TNS1: variants seen among roughly 807,000 people sequenced by gnomAD.
TNS1 encodes tensin-1.
TNS1 carries 62 observed loss-of-function variants against 168.6 expected under a neutral mutation model. That is an observed-to-expected ratio of 0.37 (90% CI 0.30 to 0.45). The LOEUF is 0.45. Ranked by LOEUF, TNS1 falls within the 20% of genes least tolerant of loss-of-function variation. TNS1 has a pLI of 1.00. For missense variants in TNS1, 2,240 were observed against 2,339.4 expected (o/e 0.96, Z 0.88); for synonymous variants, 934 against 933.2 (o/e 1.00, Z -0.02).
chr2:217,874,110 C>T (rs1387932176), intron 18 of TNS1, among the ~76,000 whole-genome samples: 3 of 146,618 alleles, frequency 2.0e-5, no homozygotes, highest in Admixed American at 7.0e-5. Context: ...CAGCACTGGG[C>T]GTATTTATTT....
intron 22 of TNS1, among the ~76,000 whole-genome samples, chr2:217,824,408 A>G (rs1408489071): frequency 6.6e-6 from 1 of 152,236 alleles, no homozygotes; most frequent in Non-Finnish European, 1.5e-5. Flanking sequence ...TCAGCCCATC[A>G]GGCAGAGAAA....
At chr2:217,849,827 G>T in intron 18 of TNS1, 1 of 985,446 alleles carries the variant, frequency 1.0e-6, no homozygotes, top group Non-Finnish European at 1.2e-6. Context: ...GAGAACCCAG[G>T]AGGGCAGTAG....
At chr2:217,821,998 C>A (rs1472799447) in intron 22 of TNS1, 60 bp from the exon 23 acceptor site, 1 of 1,453,996 alleles carries the variant, frequency 6.9e-7, no homozygotes, top group Admixed American at 2.5e-5. Flanking sequence ...CAGTGCAGGT[C>A]CCCCCCAACC....
intron 6 of TNS1, among the ~76,000 whole-genome samples, chr2:217,900,914 G>T (rs1952893588): frequency 6.6e-6 from 1 of 152,216 alleles, no homozygotes; most frequent in African/African-American, 2.4e-5. Context: ...AGCGATGAGA[G>T]TAATGGCGCC....
rs1399223678 is a variant in TNS1 at position 217,850,003 on chromosome 2, C to A, written c.1430-916G>T. On this transcript the variant is annotated intron_variant, in intron 18 of 32. Transcript: ENST00000682258. ...GATACAATGTCATTCATGCTGCCCA[C>A]TGCCACATTTCCAGAGGCTCCTCCC... is the stretch of plus-strand genomic sequence containing the variant. 3 of 985,324 alleles carry A rather than the reference C, an allele frequency of 3.0e-6. No homozygotes were observed. In the African/African-American group the frequency reaches 5.2e-5, roughly 17 times the overall value. 61.0% of individuals were successfully genotyped at this position (985,324 alleles called of 1,614,324 possible). A position where few individuals can be genotyped will look rare whatever the true frequency, so the allele number is the denominator to read the frequency against.
intron 3 of TNS1, among the ~76,000 whole-genome samples, chr2:217,954,754 C>T (rs1214525909): frequency 3.3e-5 from 5 of 152,220 alleles, no homozygotes; most frequent in Non-Finnish European, 2.9e-5. Flanking sequence ...TCTCCTTCCA[C>T]CATCCAGCCT....
chr2:217,910,620 C>T (rs540769721), intron 4 of TNS1, among the ~76,000 whole-genome samples: 1 of 151,956 alleles, frequency 6.6e-6, no homozygotes, highest in South Asian at 2.1e-4. Context: ...ATGAGTCCAG[C>T]TGGCACTCCC....
At chr2:217,951,697 G>A (rs1012629471) in intron 3 of TNS1, among the ~76,000 whole-genome samples, 3 of 152,086 alleles carry the variant, frequency 2.0e-5, no homozygotes, top group Admixed American at 6.5e-5. Flanking sequence ...TCCCACCACT[G>A]GGGGAAACCT....
intron 6 of TNS1, among the ~76,000 whole-genome samples, chr2:217,904,949 C>A (rs1953477590): frequency 6.6e-6 from 1 of 152,166 alleles, no homozygotes; most frequent in Non-Finnish European, 1.5e-5. Context: ...CAGCAGCAGT[C>A]CCAGGAAGGG....
Position 217,990,991 on chromosome 2 carries a change from G to T in TNS1, c.99C>A (p.Pro33=). The change falls in exon 2 of 33, where the codon CCC becomes CCA. Residue 33 remains proline, a synonymous_variant. Coordinates refer to ENST00000682258, the MANE Select transcript of TNS1 (RefSeq NM_001387777.1). ...FKVKTFKKVK[P]CGICRQVITQ... ...TGATGACCTGGCGGCAGATCCCACA[G>T]GGCTTCACCTTCTTGAAGGTCTTCA... The T allele has an allele frequency of 1.4e-6, 1 of 695,882 alleles. No individual in the cohort carries two copies. Among genetic ancestry groups the T allele is most frequent in the South Asian group, 1.5e-5 (1 of 66,784 alleles). 43.1% of individuals were successfully genotyped at this position (695,882 alleles called of 1,614,324 possible).
rs769618364 is a variant in TNS1, at chr2:217,802,739, A to C, written c.*1720T>G. On this transcript the variant is annotated 3_prime_UTR_variant, in exon 33 of 33. Transcript: ENST00000682258. ...TTATCCCCAAGGAAGGCAATAAAGC[A>C]ATATGGAAAAACAATAAATACTTCT... 2.0e-5 allele frequency: 3 copies of C among 152,706 alleles called. No homozygotes were observed. The highest frequency in any genetic ancestry group is 2.0e-4 in the Admixed American group (3 of 15,288). 9.5% of individuals were successfully genotyped at this position (152,706 alleles called of 1,614,324 possible).
intron 18 of TNS1, among the ~76,000 whole-genome samples, chr2:217,851,524 C>T (rs1947492351): frequency 6.6e-6 from 1 of 152,132 alleles, no homozygotes; most frequent in Non-Finnish European, 1.5e-5. Flanking sequence ...AGATCCACCC[C>T]TCTGCCCCCA....
rs1950763049 is a variant in TNS1, at chr2:217,882,362, C to T, written c.1296G>A (p.Gly432=). Residue 432 remains glycine (G), a synonymous_variant, in exon 17 of 33, where the codon GGG becomes GGA. Transcript: ENST00000682258. ...GGCTTATACCTTGAATTTTCTCTGGCCCATAAGAAAATACAAACTCCACTT... is the reference window on the plus strand; with the variant it reads ...GGCTTATACCTTGAATTTTCTCTGGTCCATAAGAAAATACAAACTCCACTT... The part of the protein sequence containing the change: ...YGKVEFVFSY[G]PEKIQGMEHL... The T allele has an allele frequency of 6.2e-7, 1 of 1,603,218 alleles. No individual in the cohort carries two copies. The highest frequency in any genetic ancestry group is 1.3e-5 in the African/African-American group (1 of 74,434).
At chr2:217,942,972 C>T (rs1203507920) in intron 3 of TNS1, among the ~76,000 whole-genome samples, 1 of 152,164 alleles carries the variant, frequency 6.6e-6, no homozygotes, top group Admixed American at 6.5e-5. Flanking sequence ...TGGCCCAAGT[C>T]CTGGATTGGG....
chr2:217,959,316 A>T (rs1219673644), intron 3 of TNS1, among the ~76,000 whole-genome samples: 1 of 152,144 alleles, frequency 6.6e-6, no homozygotes, highest in African/African-American at 2.4e-5. Flanking sequence ...GTGTCTTAGC[A>T]TGGAACCTTA....
At chr2:217,922,090 T>C (rs777679731) in intron 3 of TNS1, among the ~76,000 whole-genome samples, 54 of 152,188 alleles carry the variant, frequency 3.5e-4, no homozygotes, top group Admixed American at 8.5e-4. Context: ...CACGGGGCTA[T>C]GAGTGATTGT....
chr2:217,805,533 ACCACACACACCAC>A (rs1938588751), intron 32 of TNS1, among the ~76,000 whole-genome samples: 1 of 44,182 alleles, frequency 2.3e-5, no homozygotes, highest in Non-Finnish European at 4.6e-5. Flanking sequence ...CACCACACAC[ACCACACACACCAC>A]CACACACCAC....
In TNS1 at chr2:217,893,690, G is replaced by T. The variant is rs994336618; in HGVS notation, c.595-129C>A. 13 of 1,347,826 alleles carry T rather than the reference G, an allele frequency of 9.6e-6. No individual in the cohort carries two copies. The East Asian group carries it at 1.6e-4, about 17-fold the overall frequency. 83.5% of individuals were successfully genotyped at this position (1,347,826 alleles called of 1,614,324 possible). On this transcript the variant is annotated intron_variant, in intron 9 of 32. Coordinates refer to ENST00000682258, the MANE Select transcript of TNS1 (RefSeq NM_001387777.1). ...CAGCTGCTGGTTCCTGCCAGGACTT[G>T]GTTCCTCCCTGCCCACTGGCCAGCG...
Position 217,991,015 on chromosome 2 carries a change from C to T in TNS1, c.75G>A (p.Val25=), listed in dbSNP as rs1471455937. The T allele has an allele frequency of 2.9e-6, 2 of 694,636 alleles. No homozygotes were observed. The highest frequency in any genetic ancestry group is 5.3e-6 in the Non-Finnish European group (2 of 378,932). 43.0% of individuals were successfully genotyped at this position (694,636 alleles called of 1,614,324 possible). A position where few individuals can be genotyped will look rare whatever the true frequency, so the allele number is the denominator to read the frequency against. ...AGGGCTTCACCTTCTTGAAGGTCTTCACCTTGAAGCGGTGTGTCTTGGGGG... is the reference window on the plus strand; with the variant it reads ...AGGGCTTCACCTTCTTGAAGGTCTTTACCTTGAAGCGGTGTGTCTTGGGGG... ...LEAPKTHRFK[V]KTFKKVKPCG... Residue 25 remains valine (V), a synonymous_variant, in exon 2 of 33, where the codon GTG becomes GTA. Coordinates refer to ENST00000682258, the MANE Select transcript of TNS1 (RefSeq NM_001387777.1).
Sources: gnomAD v4.1 joint callset for allele counts (sites outside exome capture counted in the v4.1 genomes callset) on GRCh38, gnomAD v4.1.1 for gene constraint, MANE v1.5 for transcripts, NCBI Gene and HGNC (gene_info 2026-07-23, HGNC 2026-07-21) for gene names.